The following CEACAM5 variants were observed in gnomAD, a reference collection of about 807,000 sequenced individuals.
The protein encoded by CEACAM5 is cell adhesion molecule CEACAM5.
A neutral mutation model predicts 63.0 loss-of-function variants in CEACAM5; 52 were observed. The observed-to-expected ratio is 0.83, with a 90% CI of 0.66 to 1.04. The LOEUF (loss-of-function observed/expected upper bound fraction) is 1.04, where lower values mean the gene tolerates loss of function less well. Ranked by LOEUF, CEACAM5 falls within the 50% of genes least tolerant of loss-of-function variation. The pLI is 0.00. For synonymous variants in CEACAM5, 357 were observed against 351.3 expected, an observed-to-expected ratio of 1.02 and a Z score of -0.18; for missense variants, 790 against 864.8, an observed-to-expected ratio of 0.91 and a Z score of 1.08.
At chr19:41,714,130 G>C (rs555290447) in intron 2 of CEACAM5, among the ~76,000 whole-genome samples, 4 of 152,226 alleles carry the variant, frequency 2.6e-5, no homozygotes, top group African/African-American at 9.6e-5. Flanking sequence ...CAGGAGAATC[G>C]CTTGAACCCG....
chr19:41,710,421 G>T (rs2072417874), intron 2 of CEACAM5, among the ~76,000 whole-genome samples: 1 of 152,116 alleles, frequency 6.6e-6, no homozygotes, highest in African/African-American at 2.4e-5. Context: ...CAGGGCTCCT[G>T]GTTCCAGGTG....
Position 41,718,340 on chromosome 19 carries a change from A to T in CEACAM5, c.1450A>T (p.Ser484Cys). The part of the protein sequence containing the change: ...LYTCQANNSA[S>C]GHSRTTVKTI... ...TACCTGCCAGGCCAATAACTCAGCC[A>T]GTGGCCACAGCAGGACTACAGTCAA... The change falls in exon 6 of 10, where the codon AGT (serine) becomes TGT (cysteine). Residue 484 changes from serine (S) to cysteine (C), a missense_variant. Coordinates refer to ENST00000221992, the MANE Select transcript of CEACAM5 (RefSeq NM_004363.6). 6.2e-7 allele frequency: 1 copy of T among 1,613,918 alleles called. No homozygotes were observed. The highest frequency in any genetic ancestry group is 8.5e-7 in the Non-Finnish European group (1 of 1,179,776).
intron 2 of CEACAM5, among the ~76,000 whole-genome samples, chr19:41,714,675 C>T (rs1394143589): frequency 6.6e-6 from 1 of 152,114 alleles, no homozygotes; most frequent in African/African-American, 2.4e-5. Flanking sequence ...CAGGGAGGGA[C>T]CAGGAGAGGC....
intron 8 of CEACAM5, 99 bp from the exon 9 acceptor site, chr19:41,727,135 A>G: frequency 2.2e-6 from 2 of 891,508 alleles, no homozygotes; most frequent in South Asian, 1.3e-5. Context: ...AGCAACAAGT[A>G]GAGACTGCTT....
intron 8 of CEACAM5, among the ~76,000 whole-genome samples, chr19:41,723,284 T>C (rs191389634): frequency 1.3e-5 from 2 of 152,316 alleles, no homozygotes; most frequent in Admixed American, 6.5e-5. Flanking sequence ...ATATTTCACA[T>C]TTCTATCAGC....
chr19:41,715,515 G>C, intron 3 of CEACAM5, 135 bp from the exon 4 acceptor site: 1 of 1,256,968 alleles, frequency 8.0e-7, no homozygotes, highest in Non-Finnish European at 1.2e-6. Context: ...CTCAGGCTCA[G>C]TAGATACAAG....
At chr19:41,711,703 A>G (rs868957199) in intron 2 of CEACAM5, among the ~76,000 whole-genome samples, 1 of 152,112 alleles carries the variant, frequency 6.6e-6, no homozygotes, top group Admixed American at 6.5e-5. Flanking sequence ...GCTCATTGCC[A>G]TGGGCATTTC....
chr19:41,712,067 C>G (rs985466590), intron 2 of CEACAM5, among the ~76,000 whole-genome samples: 1 of 152,114 alleles, frequency 6.6e-6, no homozygotes, highest in African/African-American at 2.4e-5. Context: ...CGGGAATGAG[C>G]GACTCCTCCA....
At chr19:41,720,303 C>T in intron 7 of CEACAM5, 95 bp downstream of exon 7, 1 of 1,427,250 alleles carries the variant, frequency 7.0e-7, no homozygotes. Context: ...TCCAAAGAGG[C>T]AGACTCCCAC....
At position 41,720,944 on chromosome 19, in the gene CEACAM5, T is replaced by G. The variant is rs75582708; in HGVS notation, c.1794T>G (p.Ile598Met). The change falls in exon 8 of 10, where the codon ATT becomes ATG. Residue 598 changes from isoleucine to methionine, a missense_variant. Coordinates refer to ENST00000221992, the MANE Select transcript of CEACAM5 (RefSeq NM_004363.6). ...CAGATGGGCCGGACACCCCCATCAT[T>G]TCCCCCCCAGACTCGTCTTACCTTT... ...DVLYGPDTPI[I>M]SPPDSSYLSG... 6.2e-7 allele frequency: 1 copy of G among 1,613,720 alleles called. No individual in the cohort carries two copies. Among genetic ancestry groups the G allele is most frequent in the African/African-American group, 1.3e-5 (1 of 74,818 alleles).
chr19:41,728,382 A>G (rs1443441631), intron 9 of CEACAM5, among the ~76,000 whole-genome samples: 1 of 152,156 alleles, frequency 6.6e-6, no homozygotes, highest in Non-Finnish European at 1.5e-5. Context: ...AGGCATTCGT[A>G]ATTTTTAAGC....
chr19:41,710,094 C>T (rs2072412591), intron 2 of CEACAM5, 55 bp downstream of exon 2: 1 of 1,572,708 alleles, frequency 6.4e-7, no homozygotes, highest in African/African-American at 1.4e-5. Context: ...ACTTCCCACA[C>T]ACAGGATTAT....
chr19:41,721,448 T>C (rs1265916408), intron 8 of CEACAM5, among the ~76,000 whole-genome samples: 3 of 152,266 alleles, frequency 2.0e-5, no homozygotes, highest in South Asian at 4.1e-4. Flanking sequence ...AGGGACTTCA[T>C]AGTCCAGAAG....
intron 9 of CEACAM5, among the ~76,000 whole-genome samples, chr19:41,728,519 G>C (rs2072729265): frequency 6.6e-6 from 1 of 152,176 alleles, no homozygotes; most frequent in Non-Finnish European, 1.5e-5. Flanking sequence ...TTCTGGCTGG[G>C]CACGGTGGCT....
chr19:41,715,454 G>A, intron 3 of CEACAM5, 196 bp from the exon 4 acceptor site: 1 of 1,112,368 alleles, frequency 9.0e-7, no homozygotes, highest in South Asian at 1.3e-5. Context: ...TCTGTCCTGG[G>A]AGGCTCAGGG....
In CEACAM5 at chr19:41,709,831, A is replaced by G; in HGVS notation, c.216A>G (p.Arg72=). 6.2e-7 allele frequency: 1 copy of G among 1,614,110 alleles called. No individual in the cohort carries two copies. Residue 72 remains arginine (R), a synonymous_variant, in exon 2 of 10, where the codon AGA becomes AGG. Transcript: ENST00000221992. ...LFGYSWYKGE[R]VDGNRQIIGY... Reference sequence around the variant, plus strand: ...GCTACAGCTGGTACAAAGGTGAAAGAGTGGATGGCAACCGTCAAATTATAG... The same window carrying G: ...GCTACAGCTGGTACAAAGGTGAAAGGGTGGATGGCAACCGTCAAATTATAG...
chr19:41,710,036 T>A lies in CEACAM5; in HGVS notation c.421T>A (p.Tyr141Asn). 1 of 1,595,316 alleles carries A rather than the reference T, an allele frequency of 6.3e-7. No homozygotes were observed. Among genetic ancestry groups the A allele is most frequent in the Non-Finnish European group, 8.5e-7 (1 of 1,170,512 alleles). Residue 141 changes from tyrosine (Y) to asparagine (N), a missense_variant, in exon 2 of 10, where the codon TAC (tyrosine) becomes AAC (asparagine). Physicochemically the swap from Tyr to Asn is moderately radical, Grantham distance 143. Coordinates refer to ENST00000221992, the MANE Select transcript of CEACAM5 (RefSeq NM_004363.6). The part of the protein sequence containing the change: ...NEEATGQFRV[Y>N]PELPKPSISS... ...AGAAGCAACTGGCCAGTTCCGGGTA[T>A]ACCGTGAGTGATTCCCCCATGACCT...
rs781992472 is a variant in CEACAM5, at chr19:41,715,084, G to A, written c.538G>A (p.Val180Ile). Residue 180 changes from valine to isoleucine, a missense_variant, in exon 3 of 10, where the codon GTA becomes ATA. Physicochemically the swap from Val to Ile is conservative, Grantham distance 29 (BLOSUM62 3). Coordinates refer to ENST00000221992, the MANE Select transcript of CEACAM5 (RefSeq NM_004363.6). The stretch of plus-strand genomic sequence containing the variant: ...TCAGGACGCAACCTACCTGTGGTGG[G>A]TAAACAATCAGAGCCTCCCGGTCAG... The part of the protein sequence containing the change: ...ETQDATYLWW[V>I]NNQSLPVSPR... The A allele has an allele frequency of 1.9e-6, 3 of 1,614,158 alleles. No individual in the cohort carries two copies. In the Admixed American group the frequency reaches 5.0e-5, roughly 27 times the overall value.
At chr19:41,714,920 G>T (rs760352700) in intron 2 of CEACAM5, 51 bp from the exon 3 acceptor site, 1 of 1,611,222 alleles carries the variant, frequency 6.2e-7, no homozygotes, top group South Asian at 1.1e-5. Context: ...AGATGCCTGT[G>T]AGGAATCAAA....
Sources: allele counts gnomAD v4.1 joint callset (sites outside exome capture counted in the v4.1 genomes callset), GRCh38; gene constraint gnomAD v4.1.1; transcripts MANE v1.5; gene names NCBI Gene and HGNC (gene_info 2026-07-23, HGNC 2026-07-21).